The following PCLO variants were observed in gnomAD, a reference collection of about 807,000 sequenced individuals.
PCLO encodes protein piccolo.
In PCLO, 82 loss-of-function variants were observed where a neutral mutation model predicts 427.5. The observed-to-expected ratio is 0.19, with a 90% CI of 0.16 to 0.23. The LOEUF is 0.23. Among genes scored for constraint, PCLO ranks in the 10% least tolerant of loss-of-function variants. PCLO has a pLI of 1.00. For synonymous variants in PCLO, 2,357 were observed against 2,155.4 expected (o/e 1.09, Z -2.59); for missense variants, 6,239 against 6,115.9 (o/e 1.02, Z -0.67).
intron 6 of PCLO, among the ~76,000 whole-genome samples, chr7:82,921,906 A>G (rs939487778): frequency 1.3e-5 from 2 of 151,858 alleles, no homozygotes; most frequent in Non-Finnish European, 2.9e-5. Context: ...AATCTTATTA[A>G]AAAAATGGTC....
At chr7:82,911,597 G>T (rs1794322770) in intron 7 of PCLO, among the ~76,000 whole-genome samples, 1 of 151,938 alleles carries the variant, frequency 6.6e-6, no homozygotes, top group South Asian at 2.1e-4. Flanking sequence ...CTTTTAAAAA[G>T]ACAGTATATA....
intron 22 of PCLO, among the ~76,000 whole-genome samples, chr7:82,796,931 C>T: frequency 6.6e-6 from 1 of 151,300 alleles, no homozygotes; most frequent in East Asian, 1.9e-4. Flanking sequence ...TAGCACTAAT[C>T]AACTTTGGAA....
intron 22 of PCLO, 79 bp from the exon 23 acceptor site, chr7:82,761,572 T>C: frequency 9.8e-7 from 1 of 1,016,108 alleles, no homozygotes; most frequent in Non-Finnish European, 1.5e-6. Flanking sequence ...CATTCATACA[T>C]TCATTTACTC....
In PCLO at chr7:83,088,970, C is replaced by A. The variant is rs139353679; in HGVS notation, c.3300+45280G>T. Among the ~76,000 whole-genome samples the A allele has an allele frequency of 9.0e-4, 137 of 152,256 alleles. 1 individual carries two copies. Among genetic ancestry groups the A allele is most frequent in the African/African-American group, 2.9e-3 (120 of 41,538 alleles). ...CACTCCAATTCCTTCAGGATAAACC[C>A]TCAAATCTGTATTATGATTTGTAAG... On this transcript the variant is annotated intron_variant, in intron 3 of 24. Coordinates refer to ENST00000333891, the MANE Select transcript of PCLO (RefSeq NM_033026.6).
chr7:83,063,825 T>C (rs1295448921), intron 3 of PCLO, among the ~76,000 whole-genome samples: 1 of 152,130 alleles, frequency 6.6e-6, no homozygotes, highest in African/African-American at 2.4e-5. Flanking sequence ...TACCTTGAGG[T>C]TGTCTCAGGC....
chr7:82,771,015 G>A (rs1384509734), intron 22 of PCLO, among the ~76,000 whole-genome samples: 1 of 151,862 alleles, frequency 6.6e-6, no homozygotes, highest in African/African-American at 2.4e-5. Flanking sequence ...ATGAAGAACT[G>A]TATTTTTTTA....
intron 3 of PCLO, among the ~76,000 whole-genome samples, chr7:83,035,833 T>C (rs1370296376): frequency 1.3e-5 from 2 of 152,176 alleles, no homozygotes; most frequent in East Asian, 3.8e-4. Context: ...TTCTGAGTAT[T>C]CTCTCTGATT....
At chr7:82,826,721 C>T (rs1562804095) in intron 17 of PCLO, 61 bp from the exon 18 acceptor site, 3 of 1,012,250 alleles carry the variant, frequency 3.0e-6, no homozygotes, top group East Asian at 2.6e-5. Context: ...TTTCATTACA[C>T]ACATACAGTA....
chr7:82,970,882 T>C (rs868505733), intron 3 of PCLO, among the ~76,000 whole-genome samples: 1 of 151,796 alleles, frequency 6.6e-6, no homozygotes, highest in African/African-American at 2.4e-5. Context: ...TTTTGGACAA[T>C]ATGGGTCATC....
At chr7:83,046,657 AT>A (rs1179372699) in intron 3 of PCLO, among the ~76,000 whole-genome samples, 1 of 152,014 alleles carries the variant, frequency 6.6e-6, no homozygotes, top group East Asian at 1.9e-4. Context: ...GTGAATTCTT[AT>A]TTTATTCCTG....
chr7:82,913,500 T>C (rs1794373188), intron 7 of PCLO, among the ~76,000 whole-genome samples: 1 of 151,950 alleles, frequency 6.6e-6, no homozygotes, highest in Non-Finnish European at 1.5e-5. Context: ...TCAAAAATAT[T>C]TTATTTCCAG....
At chr7:83,046,572 G>A (rs1789108004) in intron 3 of PCLO, among the ~76,000 whole-genome samples, 1 of 151,954 alleles carries the variant, frequency 6.6e-6, no homozygotes, top group Admixed American at 6.6e-5. Context: ...GTCTTCCTGT[G>A]CTTTTGGATC....
At chr7:83,080,633 A>T (rs1790073014) in intron 3 of PCLO, among the ~76,000 whole-genome samples, 1 of 152,096 alleles carries the variant, frequency 6.6e-6, no homozygotes, top group South Asian at 2.1e-4. Flanking sequence ...CTCAATTCAG[A>T]ATTCTTACTT....
intron 16 of PCLO, among the ~76,000 whole-genome samples, chr7:82,835,119 T>G (rs1356438565): frequency 6.6e-6 from 1 of 152,018 alleles, no homozygotes; most frequent in Non-Finnish European, 1.5e-5. Context: ...TAAGTTTTTG[T>G]GTTTTTAGTA....
intron 3 of PCLO, among the ~76,000 whole-genome samples, chr7:83,041,104 T>C (rs1279016307): frequency 1.3e-5 from 2 of 152,186 alleles, no homozygotes; most frequent in African/African-American, 4.8e-5. Context: ...CTTTTAGAAC[T>C]ACATTGAAAC....
intron 3 of PCLO, among the ~76,000 whole-genome samples, chr7:82,971,286 T>C (rs566628285): frequency 6.6e-6 from 1 of 151,824 alleles, no homozygotes; most frequent in South Asian, 2.1e-4. Flanking sequence ...CTGGAACAGT[T>C]AGAATTGTGA....
chr7:82,879,106 T>C (rs2116041216), intron 10 of PCLO, among the ~76,000 whole-genome samples: 1 of 152,262 alleles, frequency 6.6e-6, no homozygotes, highest in East Asian at 1.9e-4. Flanking sequence ...TAGTGTTTCT[T>C]AAACAAGATA....
chr7:82,962,214 A>C (rs1795669616), intron 4 of PCLO, among the ~76,000 whole-genome samples: 1 of 152,140 alleles, frequency 6.6e-6, no homozygotes. Context: ...AACCTCTGTA[A>C]TTTTCAGAAA....
intron 6 of PCLO, among the ~76,000 whole-genome samples, chr7:82,928,656 T>A (rs1169088237): frequency 6.6e-6 from 1 of 152,168 alleles, no homozygotes; most frequent in Non-Finnish European, 1.5e-5. Context: ...ATTGCAGGCA[T>A]GAGCCACCGC....
Sources: allele counts gnomAD v4.1 joint callset (sites outside exome capture counted in the v4.1 genomes callset), GRCh38; gene constraint gnomAD v4.1.1; transcripts MANE v1.5; gene names NCBI Gene and HGNC (gene_info 2026-07-23, HGNC 2026-07-21).